Variants in VPS41 observed in about 807,000 individuals in gnomAD.
VPS41 encodes the protein VPS41 subunit of HOPS complex.
A neutral mutation model predicts 130.9 loss-of-function variants in VPS41; 85 were observed. The observed-to-expected ratio is 0.65, with a 90% CI of 0.55 to 0.78. The LOEUF is 0.78. VPS41 is among the 30% of genes least tolerant of loss of function. The pLI, the probability that VPS41 is intolerant of heterozygous loss-of-function variation, is 0.00. For missense variants in VPS41, 874 were observed against 1,018.7 expected (o/e 0.86, Z 1.93); for synonymous variants, 335 against 332.9 (o/e 1.01, Z -0.07).
At chr7:38,817,728 CA>C in intron 7 of VPS41, 88 bp downstream of exon 7, 1 of 1,068,278 alleles carries the variant, frequency 9.4e-7, no homozygotes, top group Non-Finnish European at 1.5e-6. Context: ...AATGAATAGC[CA>C]GACATAAAAA....
rs753149726 is a variant in VPS41, at chr7:38,830,344, C to T, written c.247-16G>A. ...TCACAGGACTCTAAAAAGAAAAAGA[C>T]AAAAAGATGTGTAAAACTTCAGGAA... On this transcript the variant is annotated splice_polypyrimidine_tract_variant and intron_variant, in intron 4 of 28. Transcript: ENST00000310301. 2.0e-5 allele frequency: 30 copies of T among 1,531,242 alleles called. No individual in the cohort carries two copies. The Middle Eastern group carries it at 6.8e-4, about 35-fold the overall frequency. 94.9% of individuals were successfully genotyped at this position (1,531,242 alleles called of 1,614,324 possible).
At chr7:38,766,947 G>C (rs1465760557) in intron 15 of VPS41, among the ~76,000 whole-genome samples, 2 of 152,106 alleles carry the variant, frequency 1.3e-5, no homozygotes, top group Non-Finnish European at 2.9e-5. Context: ...TGTGAGAATG[G>C]ACTAATACAT....
In VPS41 at chr7:38,836,795, ATAG is replaced by A. The variant is rs1562604563; in HGVS notation, c.247-6470_247-6468del. Among the ~76,000 whole-genome samples, 4 of 152,202 alleles carry A rather than the reference ATAG, an allele frequency of 2.6e-5. No individual in the cohort carries two copies. In the South Asian group the frequency reaches 8.3e-4, roughly 31 times the overall value. ...CTTTGGAAACAGCAAACTTTTTAAAATAGTAGTTTTGGCAAAGAAGCACAAAAA... is the reference window on the plus strand; with the variant it reads ...CTTTGGAAACAGCAAACTTTTTAAAATAGTTTTGGCAAAGAAGCACAAAAA... On this transcript the variant is annotated intron_variant, in intron 4 of 28. Coordinates refer to ENST00000310301, the MANE Select transcript of VPS41 (RefSeq NM_014396.4).
intron 1 of VPS41, among the ~76,000 whole-genome samples, chr7:38,898,919 C>T (rs1291680263): frequency 6.6e-6 from 1 of 150,472 alleles, no homozygotes; most frequent in Admixed American, 6.7e-5. Flanking sequence ...TGAATGTAAG[C>T]ACTTTACAAC....
At chr7:38,903,633 C>T (rs959141821) in intron 1 of VPS41, among the ~76,000 whole-genome samples, 8 of 152,298 alleles carry the variant, frequency 5.3e-5, no homozygotes, top group Admixed American at 2.6e-4. Flanking sequence ...ACAAACTATG[C>T]GCCCTAGCTG....
At chr7:38,729,813 C>T (rs977090325) in intron 25 of VPS41, among the ~76,000 whole-genome samples, 1 of 152,244 alleles carries the variant, frequency 6.6e-6, no homozygotes, top group Non-Finnish European at 1.5e-5. Flanking sequence ...CATGTCCATT[C>T]TGTGGGGCAC....
Position 38,725,190 on chromosome 7 carries a change from G to A in VPS41, c.*1056C>T, listed in dbSNP as rs1461611348. ...GGACTAAGAGATCAGGAACAATAAG[G>A]ATGTGTTTTGCGCACTTTTACACTC... On this transcript the variant is annotated 3_prime_UTR_variant, in exon 29 of 29. Transcript: ENST00000310301. 6.6e-6 allele frequency: 1 copy of A among 152,182 alleles called. No homozygotes were observed. The highest frequency in any genetic ancestry group is 1.5e-5 in the Non-Finnish European group (1 of 68,048). 9.4% of individuals were successfully genotyped at this position (152,182 alleles called of 1,614,324 possible). A position where few individuals can be genotyped will look rare whatever the true frequency, so the allele number is the denominator to read the frequency against.
At chr7:38,843,172 T>C (rs1408600377) in intron 4 of VPS41, among the ~76,000 whole-genome samples, 2 of 152,184 alleles carry the variant, frequency 1.3e-5, no homozygotes, top group African/African-American at 4.8e-5. Context: ...TTAAGTTCAA[T>C]GGAAAGAGTT....
At chr7:38,820,500 A>G (rs958506211) in intron 6 of VPS41, among the ~76,000 whole-genome samples, 1 of 152,178 alleles carries the variant, frequency 6.6e-6, no homozygotes, top group Non-Finnish European at 1.5e-5. Context: ...CTGTCCTTCA[A>G]TCAATACTGT....
At chr7:38,890,756 G>A (rs998026023) in intron 2 of VPS41, among the ~76,000 whole-genome samples, 59 of 151,808 alleles carry the variant, frequency 3.9e-4, no homozygotes, top group African/African-American at 1.4e-3. Flanking sequence ...CATAATCATG[G>A]TTCAATGCAG....
At chr7:38,830,012 C>T (rs1309757274) in intron 5 of VPS41, among the ~76,000 whole-genome samples, 1 of 152,228 alleles carries the variant, frequency 6.6e-6, no homozygotes, top group East Asian at 1.9e-4. Context: ...ACACGTCACC[C>T]TGCCACAGCT....
intron 1 of VPS41, among the ~76,000 whole-genome samples, chr7:38,900,827 A>G (rs1787124499): frequency 6.6e-6 from 1 of 152,228 alleles, no homozygotes; most frequent in Non-Finnish European, 1.5e-5. Context: ...TGTTTCCACA[A>G]TCCTACCAAA....
At chr7:38,891,648 G>A (rs116678240) in intron 2 of VPS41, among the ~76,000 whole-genome samples, 2,836 of 152,242 alleles carry the variant, frequency 0.019, 95 homozygotes, top group African/African-American at 0.064. Flanking sequence ...GTCGACTCCT[G>A]TTCTTAATGG....
chr7:38,765,682 G>A, intron 15 of VPS41, 21 bp from the exon 16 acceptor site: 1 of 1,521,930 alleles, frequency 6.6e-7, no homozygotes, highest in Non-Finnish European at 9.0e-7. Context: ...AAACATCCCA[G>A]GCAGAAAGAA....
chr7:38,879,700 A>G (rs555547048), intron 2 of VPS41, among the ~76,000 whole-genome samples: 84 of 152,274 alleles, frequency 5.5e-4, no homozygotes, highest in Non-Finnish European at 1.1e-3. Flanking sequence ...TCGCATGCAC[A>G]GATCACAGTA....
At chr7:38,786,638 T>C (rs556119394) in intron 10 of VPS41, among the ~76,000 whole-genome samples, 2 of 152,314 alleles carry the variant, frequency 1.3e-5, no homozygotes, top group African/African-American at 2.4e-5. Context: ...GAAAATTTCA[T>C]AACAAAATGT....
chr7:38,908,518 T>C (rs1029233633), intron 1 of VPS41, among the ~76,000 whole-genome samples: 4 of 86,614 alleles, frequency 4.6e-5, no homozygotes, highest in African/African-American at 1.1e-4. Context: ...TAACTTTGTG[T>C]ATAAACTCCT....
In VPS41 at chr7:38,899,031, G is replaced by A. The variant is rs140591885; in HGVS notation, c.22-902C>T. On this transcript the variant is annotated intron_variant, in intron 1 of 28. Transcript: ENST00000310301. ...AAAAATGAACATTTTAAGGAAGATC[G>A]ATGCATATATTACTCAATACAAGTT... Among the ~76,000 whole-genome samples, 1,106 of 152,236 alleles carry A rather than the reference G, an allele frequency of 7.3e-3. 12 individuals carry two copies. Among genetic ancestry groups the A allele is most frequent in the African/African-American group, 0.025 (1,055 of 41,528 alleles).
intron 26 of VPS41, 35 bp from the exon 27 acceptor site, chr7:38,728,621 T>C (rs1379739898): frequency 6.2e-7 from 1 of 1,614,118 alleles, no homozygotes. Flanking sequence ...GATTATGCCC[T>C]GTTTATACCT....
Sources: allele counts gnomAD v4.1 joint callset (sites outside exome capture counted in the v4.1 genomes callset), GRCh38; gene constraint gnomAD v4.1.1; transcripts MANE v1.5; gene names NCBI Gene and HGNC (gene_info 2026-07-23, HGNC 2026-07-21).